The following NDUFAF2 variants were observed in gnomAD, a reference collection of about 807,000 sequenced individuals.
The protein encoded by NDUFAF2 is NADH:ubiquinone oxidoreductase complex assembly factor 2.
A neutral mutation model predicts 22.8 loss-of-function variants in NDUFAF2; 13 were observed. The ratio of observed to expected loss-of-function variants is 0.57; its 90% CI spans 0.37 to 0.91. The LOEUF (loss-of-function observed/expected upper bound fraction) is 0.91, where lower values mean the gene tolerates loss of function less well. Ranked by LOEUF, NDUFAF2 falls within the 40% of genes least tolerant of loss-of-function variation. NDUFAF2 has a pLI of 0.01. For missense variants in NDUFAF2, 162 were observed against 195.2 expected (o/e 0.83, Z 1.01); for synonymous variants, 53 against 64.2 (o/e 0.83, Z 0.84).
chr5:61,078,811 G>C (rs890159383), intron 2 of NDUFAF2, among the ~76,000 whole-genome samples: 4 of 152,104 alleles, frequency 2.6e-5, no homozygotes, highest in Non-Finnish European at 5.9e-5. Flanking sequence ...ACTAACTACT[G>C]GGCAATGTTA....
intron 1 of NDUFAF2, among the ~76,000 whole-genome samples, chr5:61,043,248 G>T (rs562842216): frequency 6.6e-6 from 1 of 152,194 alleles, no homozygotes; most frequent in Admixed American, 6.5e-5. Flanking sequence ...ATGATCAGTG[G>T]TTAGAGGGAC....
At chr5:61,116,358 G>A (rs887209263) in intron 3 of NDUFAF2, 17 of 152,186 alleles carry the variant, frequency 1.1e-4, no homozygotes, top group African/African-American at 3.6e-4. Context: ...TATCCTCAGC[G>A]ATTCAAGAAG....
intron 3 of NDUFAF2, among the ~76,000 whole-genome samples, chr5:61,113,363 T>A (rs1011507113): frequency 3.3e-5 from 5 of 152,180 alleles, no homozygotes; most frequent in African/African-American, 1.2e-4. Context: ...TTCTTAGCTT[T>A]GTTTATTTTG....
intron 1 of NDUFAF2, among the ~76,000 whole-genome samples, chr5:61,052,789 G>A (rs573592723): frequency 1.4e-4 from 22 of 152,164 alleles, no homozygotes; most frequent in South Asian, 8.3e-4. Flanking sequence ...ATTTCACCAG[G>A]TTTTTAATTC....
intron 2 of NDUFAF2, among the ~76,000 whole-genome samples, chr5:61,093,119 A>G (rs1225013882): frequency 6.6e-6 from 1 of 152,196 alleles, no homozygotes; most frequent in African/African-American, 2.4e-5. Context: ...AGAAAGAGTA[A>G]GTCCAGAAGG....
In NDUFAF2 at chr5:60,950,018, A is replaced by G. The variant is rs868564991; in HGVS notation, c.127+4636A>G. 2.0e-5 allele frequency among the ~76,000 whole-genome samples: 3 copies of G among 152,078 alleles called. No homozygotes were observed. In the South Asian group the frequency reaches 6.2e-4, roughly 31 times the overall value. ...ACATTCTCTGTAGGTAATTATATCA[A>G]CTGTGGATAGAGACAGTTTTGTTTT... On this transcript the variant is annotated intron_variant, in intron 1 of 3. Coordinates refer to ENST00000296597, the MANE Select transcript of NDUFAF2 (RefSeq NM_174889.5).
chr5:61,015,247 A>C (rs1025276860), intron 1 of NDUFAF2, among the ~76,000 whole-genome samples: 2 of 152,194 alleles, frequency 1.3e-5, no homozygotes, highest in African/African-American at 2.4e-5. Flanking sequence ...TAATTACTTA[A>C]AAATGTTACT....
intron 1 of NDUFAF2, among the ~76,000 whole-genome samples, chr5:61,068,575 T>C (rs1207985460): frequency 1.3e-5 from 2 of 152,128 alleles, no homozygotes; most frequent in Admixed American, 1.3e-4. Context: ...CAATAACATG[T>C]TAATATGATA....
chr5:60,973,329 T>G (rs1477857196), intron 1 of NDUFAF2, among the ~76,000 whole-genome samples: 1 of 152,210 alleles, frequency 6.6e-6, no homozygotes, highest in Non-Finnish European at 1.5e-5. Flanking sequence ...CATACTTTTT[T>G]TCTTGAGTTT....
chr5:60,966,521 A>G (rs1750760200), intron 1 of NDUFAF2, among the ~76,000 whole-genome samples: 1 of 152,068 alleles, frequency 6.6e-6, no homozygotes, highest in Non-Finnish European at 1.5e-5. Context: ...ATCTATTTCA[A>G]GTTGATTTTT....
intron 3 of NDUFAF2, among the ~76,000 whole-genome samples, chr5:61,101,253 T>C (rs567618912): frequency 3.3e-5 from 5 of 152,294 alleles, no homozygotes; most frequent in Admixed American, 3.3e-4. Flanking sequence ...AACTTTGCCA[T>C]CTACTTCAGC....
intron 1 of NDUFAF2, among the ~76,000 whole-genome samples, chr5:61,065,668 C>T (rs1337204627): frequency 6.6e-6 from 1 of 152,050 alleles, no homozygotes; most frequent in Non-Finnish European, 1.5e-5. Context: ...AAATTCTCAA[C>T]AGTTTAGTTA....
chr5:60,986,392 G>T (rs1751076834), intron 1 of NDUFAF2, among the ~76,000 whole-genome samples: 1 of 152,096 alleles, frequency 6.6e-6, no homozygotes, highest in Non-Finnish European at 1.5e-5. Flanking sequence ...TGAAATTAAG[G>T]CAGAAAACAA....
chr5:60,966,804 C>T (rs1750763679), intron 1 of NDUFAF2, among the ~76,000 whole-genome samples: 1 of 152,066 alleles, frequency 6.6e-6, no homozygotes, highest in Non-Finnish European at 1.5e-5. Context: ...TCCTTCTGCT[C>T]AAGATTGCTT....
At chr5:61,105,515 G>A (rs528434421) in intron 3 of NDUFAF2, among the ~76,000 whole-genome samples, 2 of 149,520 alleles carry the variant, frequency 1.3e-5, no homozygotes, top group South Asian at 2.1e-4. Flanking sequence ...GAAAATTGCA[G>A]CATGTTCATA....
chr5:61,035,846 T>C (rs1460049075), intron 1 of NDUFAF2, among the ~76,000 whole-genome samples: 1 of 152,184 alleles, frequency 6.6e-6, no homozygotes, highest in Non-Finnish European at 1.5e-5. Flanking sequence ...CTACATTCTA[T>C]CTTGAAATAG....
intron 3 of NDUFAF2, among the ~76,000 whole-genome samples, chr5:61,151,814 A>G (rs1387368362): frequency 6.6e-6 from 1 of 152,164 alleles, no homozygotes; most frequent in Non-Finnish European, 1.5e-5. Flanking sequence ...AAAAAAAACC[A>G]AAACAAACAA....
chr5:61,129,821 AT>A (rs1186480226), intron 3 of NDUFAF2, among the ~76,000 whole-genome samples: 3 of 152,050 alleles, frequency 2.0e-5, no homozygotes, highest in Non-Finnish European at 2.9e-5. Context: ...TAAGTAAAAA[AT>A]AATAGTAGAA....
intron 1 of NDUFAF2, among the ~76,000 whole-genome samples, chr5:61,042,754 C>T (rs1352261173): frequency 6.6e-6 from 1 of 152,138 alleles, no homozygotes; most frequent in Non-Finnish European, 1.5e-5. Context: ...TGGTTACATT[C>T]ATTCAGACAA....
Sources: gnomAD v4.1 joint callset for allele counts (sites outside exome capture counted in the v4.1 genomes callset) on GRCh38, gnomAD v4.1.1 for gene constraint, MANE v1.5 for transcripts, NCBI Gene and HGNC (gene_info 2026-07-23, HGNC 2026-07-21) for gene names.